The following GALNT1 variants were observed in gnomAD, a reference collection of about 807,000 sequenced individuals.
GALNT1 encodes polypeptide N-acetylgalactosaminyltransferase 1.
In GALNT1, 17 loss-of-function variants were observed where a neutral mutation model predicts 65.7. The observed-to-expected ratio is 0.26, with a 90% CI of 0.18 to 0.39. The LOEUF (loss-of-function observed/expected upper bound fraction) is 0.39. Ranked by LOEUF, GALNT1 falls within the 10% of genes least tolerant of loss-of-function variation. The pLI is 1.00. For synonymous variants in GALNT1, 210 were observed against 219.7 expected (o/e 0.96, Z 0.39); for missense variants, 460 against 672.8 (o/e 0.68, Z 3.50).
chr18:35,612,601 C>CA (rs2046731493), intron 1 of GALNT1, among the ~76,000 whole-genome samples: 1 of 152,178 alleles, frequency 6.6e-6, no homozygotes, highest in Admixed American at 6.5e-5. Context: ...GCGTGGTGCT[C>CA]ACGCCTGTAA....
chr18:35,700,037 G>A (rs750154744), intron 9 of GALNT1, among the ~76,000 whole-genome samples: 1 of 152,088 alleles, frequency 6.6e-6, no homozygotes, highest in Admixed American at 6.5e-5. Flanking sequence ...CCTATTAGGT[G>A]GTCCTCTCCC....
At chr18:35,704,678 C>T (rs560844973) in intron 11 of GALNT1, among the ~76,000 whole-genome samples, 15 of 149,736 alleles carry the variant, frequency 1.0e-4, no homozygotes, top group African/African-American at 3.7e-4. Flanking sequence ...GAGTCTCGCT[C>T]TTATCGCCCA....
chr18:35,704,044 T>C (rs1186840104), intron 11 of GALNT1, among the ~76,000 whole-genome samples: 1 of 152,220 alleles, frequency 6.6e-6, no homozygotes, highest in Admixed American at 6.5e-5. Context: ...CAGTGACATA[T>C]ATGACAGAAC....
chr18:35,628,154 G>A (rs1177710948), intron 1 of GALNT1, among the ~76,000 whole-genome samples: 7 of 152,198 alleles, frequency 4.6e-5, no homozygotes, highest in East Asian at 3.9e-4. Flanking sequence ...GGGCATAGCC[G>A]AACAAAAGGC....
chr18:35,582,550 C>T (rs2046335195), intron 1 of GALNT1, among the ~76,000 whole-genome samples: 1 of 152,196 alleles, frequency 6.6e-6, no homozygotes, highest in African/African-American at 2.4e-5. Context: ...ATTCTCAAAG[C>T]CACTGAGCTA....
At chr18:35,586,413 G>A (rs773161330) in intron 1 of GALNT1, among the ~76,000 whole-genome samples, 12 of 152,140 alleles carry the variant, frequency 7.9e-5, no homozygotes, top group Admixed American at 2.0e-4. Flanking sequence ...GTCTTTTGCA[G>A]AGCAAAAGTT....
chr18:35,642,477 T>C (rs1396621786), intron 1 of GALNT1, among the ~76,000 whole-genome samples: 2 of 152,186 alleles, frequency 1.3e-5, no homozygotes. Context: ...GGGATTGCCT[T>C]TGAAGAGTTG....
At chr18:35,628,622 C>T (rs2046955243) in intron 1 of GALNT1, among the ~76,000 whole-genome samples, 1 of 152,158 alleles carries the variant, frequency 6.6e-6, no homozygotes, top group Admixed American at 6.5e-5. Context: ...GGGGAAAAAA[C>T]AGAGCAGAAA....
intron 4 of GALNT1, among the ~76,000 whole-genome samples, chr18:35,678,957 TCCTA>T (rs1261848484): frequency 2.0e-5 from 3 of 152,232 alleles, no homozygotes; most frequent in African/African-American, 7.2e-5. Context: ...AAAGGATAAA[TCCTA>T]CCTTTTAAAG....
intron 1 of GALNT1, among the ~76,000 whole-genome samples, chr18:35,653,445 C>T (rs1173320811): frequency 5.9e-5 from 9 of 152,198 alleles, no homozygotes; most frequent in South Asian, 2.1e-4. Flanking sequence ...CATAAAGTTG[C>T]CCTTGTAAGA....
Position 35,709,956 on chromosome 18 carries a change from C to T in GALNT1, c.*186C>T, listed in dbSNP as rs2144792108. The T allele has an allele frequency of 4.8e-6, 3 of 623,788 alleles. No homozygotes were observed. In the Admixed American group the frequency reaches 8.9e-5, roughly 18 times the overall value. 38.6% of individuals were successfully genotyped at this position (623,788 alleles called of 1,614,324 possible). On this transcript the variant is annotated 3_prime_UTR_variant, in exon 12 of 12. Coordinates refer to ENST00000269195, the MANE Select transcript of GALNT1 (RefSeq NM_020474.4). ...CTAGCTGTGAACCAGCCTTCCTGTC[C>T]ATGGACGTGAAACTGCATAGTAATG...
chr18:35,604,731 T>A (rs1211620933), intron 1 of GALNT1, among the ~76,000 whole-genome samples: 2 of 152,254 alleles, frequency 1.3e-5, no homozygotes, highest in African/African-American at 4.8e-5. Flanking sequence ...GAAGTGTCTG[T>A]TCATGTTCCT....
At position 35,709,977 on chromosome 18, in the gene GALNT1, TA is replaced by T; in HGVS notation, c.*209del. On this transcript the variant is annotated 3_prime_UTR_variant, in exon 12 of 12. Coordinates refer to ENST00000269195, the MANE Select transcript of GALNT1 (RefSeq NM_020474.4). ...TGTCCATGGACGTGAAACTGCATAG[TA>T]ATGAGACTGTGCACACTGATGTTTA... 1.8e-6 allele frequency: 1 copy of T among 566,994 alleles called. No homozygotes were observed. Among genetic ancestry groups the T allele is most frequent in the Non-Finnish European group, 3.1e-6 (1 of 318,908 alleles). 35.1% of individuals were successfully genotyped at this position (566,994 alleles called of 1,614,324 possible).
At chr18:35,678,748 T>C (rs547066839) in intron 4 of GALNT1, among the ~76,000 whole-genome samples, 1 of 152,350 alleles carries the variant, frequency 6.6e-6, no homozygotes, top group Admixed American at 6.5e-5. Flanking sequence ...TATCTTCAAC[T>C]TTCTTGCCTA....
At chr18:35,670,808 C>T (rs1295446099) in intron 3 of GALNT1, among the ~76,000 whole-genome samples, 2 of 152,190 alleles carry the variant, frequency 1.3e-5, no homozygotes, top group African/African-American at 2.4e-5. Context: ...CAGTTCTGTA[C>T]ATACTTGAAC....
rs553445565 is a variant in GALNT1, at chr18:35,709,778, T to G, written c.*8T>G. Reference sequence around the variant, plus strand: ...CTGCCAGAAATATTCTGAGACCAAATTTACAAAAAAACGAAAAAAATAAGG... The same window carrying G: ...CTGCCAGAAATATTCTGAGACCAAAGTTACAAAAAAACGAAAAAAATAAGG... On this transcript the variant is annotated 3_prime_UTR_variant, in exon 12 of 12. Transcript: ENST00000269195. 1.2e-6 allele frequency: 2 copies of G among 1,613,540 alleles called. No homozygotes were observed. The highest frequency in any genetic ancestry group is 2.2e-5 in the South Asian group (2 of 91,030).
chr18:35,705,107 A>G (rs560512854), intron 11 of GALNT1, among the ~76,000 whole-genome samples: 1 of 152,280 alleles, frequency 6.6e-6, no homozygotes, highest in South Asian at 2.1e-4. Flanking sequence ...GACTTTGGCC[A>G]TCTTTCCTCC....
At chr18:35,596,566 C>G (rs1204218038) in intron 1 of GALNT1, 1 of 152,144 alleles carries the variant, frequency 6.6e-6, no homozygotes, top group Non-Finnish European at 1.5e-5. Context: ...TTGTAGATAC[C>G]TGAGAGTGAG....
intron 1 of GALNT1, among the ~76,000 whole-genome samples, chr18:35,630,406 A>G (rs1475918861): frequency 2.0e-5 from 3 of 152,208 alleles, no homozygotes; most frequent in South Asian, 2.1e-4. Context: ...AACTCACTCA[A>G]AACCACCAAA....
Sources: gnomAD v4.1 joint callset for allele counts (sites outside exome capture counted in the v4.1 genomes callset) on GRCh38, gnomAD v4.1.1 for gene constraint, MANE v1.5 for transcripts, NCBI Gene and HGNC (gene_info 2026-07-23, HGNC 2026-07-21) for gene names.